Variants in PPARGC1A observed in about 807,000 individuals in gnomAD.
PPARGC1A encodes the protein peroxisome proliferator-activated receptor gamma coactivator 1-alpha.
A neutral mutation model predicts 88.7 loss-of-function variants in PPARGC1A; 25 were observed. The observed-to-expected ratio is 0.28, with a 90% CI of 0.21 to 0.39. The LOEUF is 0.39. Among genes scored for constraint, PPARGC1A ranks in the 10% least tolerant of loss-of-function variants. The pLI, the probability that PPARGC1A is intolerant of heterozygous loss-of-function variation, is 1.00. For missense variants in PPARGC1A, 880 were observed against 968.7 expected, an observed-to-expected ratio of 0.91 and a Z score of 1.22; for synonymous variants, 363 against 355.6, an observed-to-expected ratio of 1.02 and a Z score of -0.24.
the PPARGC1A span, among the ~76,000 whole-genome samples, chr4:23,951,063 T>C: frequency 6.6e-6 from 1 of 152,166 alleles, no homozygotes; most frequent in Non-Finnish European, 1.5e-5. Context: ...ATTGACGATT[T>C]GCTACATGCC....
chr4:23,843,483 T>C (rs1727432680), intron 2 of PPARGC1A, among the ~76,000 whole-genome samples: 2 of 152,150 alleles, frequency 1.3e-5, no homozygotes, highest in Middle Eastern at 3.4e-3. Flanking sequence ...GCCTGGTATA[T>C]AGTGAGGATT....
At chr4:23,895,856 C>T (rs147747102) in intron 1 of PPARGC1A, among the ~76,000 whole-genome samples, 26 of 150,958 alleles carry the variant, frequency 1.7e-4, no homozygotes, top group South Asian at 6.3e-4. Context: ...ATGCCCAATG[C>T]GACATTATTT....
At chr4:24,050,592 AT>A in the PPARGC1A span, among the ~76,000 whole-genome samples, 1 of 152,102 alleles carries the variant, frequency 6.6e-6, no homozygotes, top group Non-Finnish European at 1.5e-5. Context: ...AGATCAAGTG[AT>A]TGCTAGTTAA....
the PPARGC1A span, among the ~76,000 whole-genome samples, chr4:24,156,711 G>A: frequency 6.6e-6 from 1 of 150,518 alleles, no homozygotes; most frequent in Non-Finnish European, 1.5e-5. Flanking sequence ...CTTGCCTCTT[G>A]GCTGTTGCGG....
the PPARGC1A span, among the ~76,000 whole-genome samples, chr4:24,018,269 C>CA: frequency 6.6e-6 from 1 of 152,134 alleles, no homozygotes. Context: ...GTTCTTCTTG[C>CA]TTTTTCTCCC....
the PPARGC1A span, among the ~76,000 whole-genome samples, chr4:24,365,755 A>C: frequency 6.6e-6 from 1 of 152,064 alleles, no homozygotes; most frequent in Non-Finnish European, 1.5e-5. Flanking sequence ...CTTTATTAGC[A>C]ATAGTTTTTT....
chr4:23,821,369 T>C (rs890722910), intron 7 of PPARGC1A, among the ~76,000 whole-genome samples: 8 of 152,126 alleles, frequency 5.3e-5, no homozygotes, highest in African/African-American at 1.7e-4. Flanking sequence ...GTCATAGAAG[T>C]AGCTGTTGCT....
At chr4:24,175,336 T>A in the PPARGC1A span, among the ~76,000 whole-genome samples, 1 of 151,730 alleles carries the variant, frequency 6.6e-6, no homozygotes, top group Non-Finnish European at 1.5e-5. Flanking sequence ...CTTACTCTGA[T>A]TTCTGGCGGG....
chr4:24,256,002 C>T, the PPARGC1A span, among the ~76,000 whole-genome samples: 1 of 152,208 alleles, frequency 6.6e-6, no homozygotes, highest in African/African-American at 2.4e-5. Flanking sequence ...TGATGCCTTT[C>T]AAAGTCATCT....
chr4:24,252,560 C>T, the PPARGC1A span, among the ~76,000 whole-genome samples: 1 of 152,206 alleles, frequency 6.6e-6, no homozygotes, highest in Admixed American at 6.5e-5. Flanking sequence ...CTTTAGAACA[C>T]TTTCATGAAA....
chr4:24,401,015 C>CTTTTTTTT, the PPARGC1A span, among the ~76,000 whole-genome samples: 12 of 99,824 alleles, frequency 1.2e-4, no homozygotes, highest in African/African-American at 1.6e-4. Context: ...CCTGAATTTT[C>CTTTTTTTT]TTTTTTTTTT....
the PPARGC1A span, among the ~76,000 whole-genome samples, chr4:24,086,548 C>G: frequency 6.6e-5 from 10 of 152,192 alleles, no homozygotes; most frequent in Admixed American, 5.2e-4. Context: ...AGAGGCCTAC[C>G]TACAGTGCTC....
the PPARGC1A span, among the ~76,000 whole-genome samples, chr4:24,385,426 C>T: frequency 6.6e-6 from 1 of 151,912 alleles, no homozygotes; most frequent in African/African-American, 2.4e-5. Flanking sequence ...GACACAAAAA[C>T]CCCTTCAAAA....
the PPARGC1A span, among the ~76,000 whole-genome samples, chr4:24,242,144 T>C: frequency 1.3e-5 from 2 of 152,214 alleles, no homozygotes; most frequent in Non-Finnish European, 2.9e-5. Flanking sequence ...ACACTGGATG[T>C]TCCAGCCTCC....
the PPARGC1A span, among the ~76,000 whole-genome samples, chr4:23,998,203 T>C: frequency 6.6e-5 from 10 of 152,230 alleles, no homozygotes; most frequent in Non-Finnish European, 1.5e-4. Context: ...TGATAATTTG[T>C]ATACACATAA....
the PPARGC1A span, among the ~76,000 whole-genome samples, chr4:24,011,868 G>C: frequency 6.6e-6 from 1 of 152,098 alleles, no homozygotes; most frequent in African/African-American, 2.4e-5. Context: ...GGTTTATGAA[G>C]GTATGGGAAA....
At chr4:24,080,439 C>T in the PPARGC1A span, among the ~76,000 whole-genome samples, 3,124 of 151,780 alleles carry the variant, frequency 0.021, 119 homozygotes, top group African/African-American at 0.067. Flanking sequence ...AATAATTTTT[C>T]AGTGTTTCTA....
chr4:24,147,725 G>A, the PPARGC1A span, among the ~76,000 whole-genome samples: 1 of 152,008 alleles, frequency 6.6e-6, no homozygotes, highest in East Asian at 1.9e-4. Flanking sequence ...ATTAATTTAG[G>A]GTATGCAGTC....
At chr4:24,086,291 C>T in the PPARGC1A span, among the ~76,000 whole-genome samples, 242 of 152,314 alleles carry the variant, frequency 1.6e-3, 1 homozygote, top group African/African-American at 5.5e-3. Flanking sequence ...TGGCTTGGCT[C>T]TGCAAGGTTT....
Sources: gnomAD v4.1 joint callset for allele counts (sites outside exome capture counted in the v4.1 genomes callset) on GRCh38, gnomAD v4.1.1 for gene constraint, MANE v1.5 for transcripts, NCBI Gene and HGNC (gene_info 2026-07-23, HGNC 2026-07-21) for gene names.